The following RIF1 variants were observed in gnomAD, a reference collection of about 807,000 sequenced individuals.
RIF1 encodes telomere-associated protein RIF1.
A neutral mutation model predicts 247.1 loss-of-function variants in RIF1; 45 were observed. That is an observed-to-expected ratio of 0.18 (90% CI 0.14 to 0.23). The LOEUF (loss-of-function observed/expected upper bound fraction) is 0.23, where lower values mean the gene tolerates loss of function less well. RIF1 is among the 10% of genes least tolerant of loss of function. RIF1 has a pLI of 1.00. For missense variants in RIF1, 2,967 were observed against 2,862.5 expected (o/e 1.04, Z -0.83); for synonymous variants, 1,087 against 978.8 (o/e 1.11, Z -2.06).
At chr2:151,438,607 G>T (rs1281603460) in intron 13 of RIF1, 77 bp from the exon 14 acceptor site, 2 of 899,468 alleles carry the variant, frequency 2.2e-6, no homozygotes, top group African/African-American at 1.6e-5. Context: ...ATGTAAGGAA[G>T]TAAAGGGAGA....
At chr2:151,436,480 G>A (rs894189828) in intron 11 of RIF1, among the ~76,000 whole-genome samples, 5 of 149,450 alleles carry the variant, frequency 3.3e-5, no homozygotes, top group African/African-American at 9.9e-5. Context: ...GTTTGAGGTT[G>A]TAGTGAACTA....
rs548279259 is a variant in RIF1, at chr2:151,495,657, A to T, written c.*513+331A>T. Reference sequence around the variant, plus strand: ...AAAGTTTGCAGTTAAAGACTACAGTAAAACTAAAGAACAACAACAACAACA... The same window carrying T: ...AAAGTTTGCAGTTAAAGACTACAGTTAAACTAAAGAACAACAACAACAACA... On this transcript the variant is annotated intron_variant and NMD_transcript_variant, in intron 10 of 13. Coordinates refer to the RIF1 transcript ENST00000454583. Among the ~76,000 whole-genome samples the T allele has an allele frequency of 3.9e-5, 6 of 152,080 alleles. No individual in the cohort carries two copies. The East Asian group carries it at 1.2e-3, about 29-fold the overall frequency.
At chr2:151,486,014 A>C, downstream of RIF1, 232 of 1,404,770 alleles carry the variant, frequency 1.7e-4, no homozygotes, top group Non-Finnish European at 2.2e-4. Context: ...AAGATCTCTC[A>C]TGACTGACTC....
chr2:151,436,981 A>T lies in RIF1; in HGVS notation c.1350A>T (p.Gln450His), dbSNP rs746070523. 6.2e-7 allele frequency: 1 copy of T among 1,612,790 alleles called. No individual in the cohort carries two copies. The highest frequency in any genetic ancestry group is 1.7e-5 in the Admixed American group (1 of 59,652). The change falls in exon 12 of 36, where the codon CAA becomes CAT. Residue 450 changes from glutamine to histidine, a missense_variant. Gln to His is a conservative substitution (Grantham distance 24, BLOSUM62 0). This residue lies in a region of RIF1 where 369 missense variants were observed against 322.0 expected (regional missense o/e 1.15). Transcript: ENST00000444746. ...LGPEALSFAK[Q>H]NKLVLSLEPL... ...CAGAAGCCTTGAGTTTTGCTAAGCA[A>T]AATAAACTTGTGCTGAGCTTAGGTA...
intron 26 of RIF1, 117 bp downstream of exon 26, chr2:151,460,236 G>A (rs1019719896): frequency 3.1e-5 from 24 of 767,442 alleles, no homozygotes; most frequent in Non-Finnish European, 4.3e-5. Context: ...GGGATTGCAG[G>A]GGAATTGAGG....
chr2:151,514,891 C>A, the RIF1 span: 1 of 1,584,656 alleles, frequency 6.3e-7, no homozygotes, highest in African/African-American at 1.3e-5. Context: ...CAGGTTTCTG[C>A]CTTTAATGGA....
intron 12 of RIF1, among the ~76,000 whole-genome samples, chr2:151,504,673 T>C (rs2067367460): frequency 6.6e-6 from 1 of 152,204 alleles, no homozygotes; most frequent in Admixed American, 6.5e-5. Flanking sequence ...CCATAAACTA[T>C]TTCCCAAACT....
chr2:151,487,773 A>G (rs2052239910), intron 9 of RIF1, among the ~76,000 whole-genome samples: 1 of 152,120 alleles, frequency 6.6e-6, no homozygotes, highest in African/African-American at 2.4e-5. Flanking sequence ...ACACATATAT[A>G]TATATGTATA....
At chr2:151,424,137 C>T (rs1688615009) in intron 8 of RIF1, among the ~76,000 whole-genome samples, 1 of 152,194 alleles carries the variant, frequency 6.6e-6, no homozygotes, top group Non-Finnish European at 1.5e-5. Flanking sequence ...GAGTTTCGCT[C>T]TTGTCACCCA....
At chr2:151,524,597 G>A in the RIF1 span, 1 of 1,592,722 alleles carries the variant, frequency 6.3e-7, no homozygotes, top group South Asian at 1.1e-5. Flanking sequence ...GTTCTCTTTG[G>A]CATCTTTTCT....
intron 8 of RIF1, among the ~76,000 whole-genome samples, chr2:151,425,651 TGTG>T (rs1304147993): frequency 6.9e-6 from 1 of 144,156 alleles, no homozygotes; most frequent in Non-Finnish European, 1.5e-5. Context: ...ATTAAATCCT[TGTG>T]GTACCCTTTT....
At chr2:151,459,872 A>G (rs892906678) in intron 25 of RIF1, 128 bp from the exon 26 acceptor site, 8 of 777,714 alleles carry the variant, frequency 1.0e-5, no homozygotes, top group Non-Finnish European at 1.6e-5. Flanking sequence ...TTTTTATGGG[A>G]TTGAATAATT....
chr2:151,455,964 A>G (rs1695125598), intron 22 of RIF1, among the ~76,000 whole-genome samples: 1 of 152,152 alleles, frequency 6.6e-6, no homozygotes, highest in African/African-American at 2.4e-5. Context: ...TACGTAAATC[A>G]TTGCCCACAT....
chr2:151,419,429 A>G (rs112362529), intron 6 of RIF1, among the ~76,000 whole-genome samples: 2 of 152,014 alleles, frequency 1.3e-5, no homozygotes, highest in African/African-American at 4.8e-5. Flanking sequence ...GGGTTCAAGC[A>G]ATTCTCCTGC....
rs1294059897 is a variant in RIF1 at position 151,414,830 on chromosome 2, T to C, written c.191T>C (p.Ile64Thr). The C allele has an allele frequency of 1.2e-6, 2 of 1,607,910 alleles. No homozygotes were observed. The highest frequency in any genetic ancestry group is 2.7e-5 in the African/African-American group (2 of 74,844). The change falls in exon 4 of 36, where the codon ATT (isoleucine) becomes ACT (threonine). Residue 64 changes from isoleucine (I) to threonine (T), a missense_variant. This residue lies in a region of RIF1 where 269 missense variants were observed against 288.6 expected (regional missense o/e 0.93). Coordinates refer to ENST00000444746, the MANE Select transcript of RIF1 (RefSeq NM_018151.5). Reference sequence around the variant, plus strand: ...GTGATTTTGTTTTTGTAGACTCACATTTCCAGTCAAAACTCGGAGCTGAGT... The same window carrying C: ...GTGATTTTGTTTTTGTAGACTCACACTTCCAGTCAAAACTCGGAGCTGAGT... ...PRLYKVLKTH[I>T]SSQNSELSSA...
chr2:151,523,800 T>A, the RIF1 span, among the ~76,000 whole-genome samples: 1 of 152,218 alleles, frequency 6.6e-6, no homozygotes, highest in Non-Finnish European at 1.5e-5. Context: ...CAAACAAAAT[T>A]TTAATGATTT....
At chr2:151,422,814 G>T in intron 7 of RIF1, 136 bp from the exon 8 acceptor site, 2 of 568,214 alleles carry the variant, frequency 3.5e-6, no homozygotes, top group Non-Finnish European at 6.2e-6. Context: ...ACCGCACCTG[G>T]CCTTGGGTGG....
intron 9 of RIF1, chr2:151,494,263 T>G: frequency 6.4e-7 from 1 of 1,556,418 alleles, no homozygotes; most frequent in South Asian, 1.2e-5. Context: ...CCTATGGGAA[T>G]CCAATGGGTC....
the RIF1 span, chr2:151,514,771 G>A: frequency 2.4e-6 from 3 of 1,263,788 alleles, no homozygotes; most frequent in Non-Finnish European, 3.4e-6. Flanking sequence ...TGTCACTAGT[G>A]CAATTATTTG....
Sources: allele counts gnomAD v4.1 joint callset (sites outside exome capture counted in the v4.1 genomes callset), GRCh38; gene constraint gnomAD v4.1.1; regional missense constraint gnomAD v4.1.1; transcripts MANE v1.5; gene names NCBI Gene and HGNC (gene_info 2026-07-23, HGNC 2026-07-21).